Variants in NIPBL observed in about 807,000 individuals in gnomAD.
NIPBL encodes NIPBL cohesin loading factor, also known as nipped-B-like protein.
In NIPBL, 19 loss-of-function variants were observed where a neutral mutation model predicts 321.8. That is an observed-to-expected ratio of 0.06 (90% CI 0.04 to 0.09). The LOEUF is 0.09. Among genes scored for constraint, NIPBL ranks in the 10% least tolerant of loss-of-function variants. The pLI is 1.00. For synonymous variants in NIPBL, 1,106 were observed against 1,114.1 expected (o/e 0.99, Z 0.14); for missense variants, 2,210 against 3,327.0 (o/e 0.66, Z 8.26).
At chr5:37,021,704 A>G (rs1316310802) in intron 27 of NIPBL, among the ~76,000 whole-genome samples, 1 of 152,234 alleles carries the variant, frequency 6.6e-6, no homozygotes, top group Admixed American at 6.5e-5. Context: ...ATAAAATACA[A>G]AACATTCAAC....
intron 10 of NIPBL, among the ~76,000 whole-genome samples, chr5:36,991,745 G>GTT (rs34780358): frequency 0.011 from 1,378 of 127,520 alleles, 13 homozygotes; most frequent in African/African-American, 0.032. Flanking sequence ...GCCTGCCCAA[G>GTT]TTTTTTTTTT....
In NIPBL at chr5:36,960,077, AAAAATAAAAAT is replaced by A. The variant is rs1264268955; in HGVS notation, c.359-1400_359-1390del. Among the ~76,000 whole-genome samples the A allele has an allele frequency of 1.1e-4, 17 of 152,312 alleles. No individual in the cohort carries two copies. The East Asian group carries it at 3.1e-3, about 28-fold the overall frequency. On this transcript the variant is annotated intron_variant, in intron 4 of 46. Transcript: ENST00000282516. ...AGAGACCCTGTCTCATTGAAAAATA[AAAAATAAAAAT>A]AAAATAGAAATTTAAAAAGTTGATT...
chr5:37,048,654 A>T lies in NIPBL; in HGVS notation c.6742A>T (p.Met2248Leu). The change falls in exon 39 of 47, where the codon ATG becomes TTG. Residue 2248 changes from methionine (M) to leucine (L), a missense_variant. By Grantham distance (15) the Met-to-Leu change is conservative. This residue lies in a region of NIPBL where 112 missense variants were observed against 288.3 expected (regional missense o/e 0.39). Coordinates refer to ENST00000282516, the MANE Select transcript of NIPBL (RefSeq NM_133433.4). Reference protein sequence around the residue: ...QTYLQEEDTRMQQADRDWKKV... With the variant: ...QTYLQEEDTRLQQADRDWKKV... ...CTACCTACAAGAAGAAGATACACGT[A>T]TGCAGCAGGCAGATAGAGACTGTAA... is the stretch of plus-strand genomic sequence containing the variant. 6.2e-7 allele frequency: 1 copy of T among 1,610,258 alleles called. No homozygotes were observed.
At chr5:36,919,682 A>G (rs1748767682) in intron 1 of NIPBL, among the ~76,000 whole-genome samples, 1 of 152,180 alleles carries the variant, frequency 6.6e-6, no homozygotes, top group African/African-American at 2.4e-5. Context: ...GAGAAAGAAG[A>G]TATTTTCATT....
intron 44 of NIPBL, among the ~76,000 whole-genome samples, chr5:37,059,620 T>C (rs1329838297): frequency 1.3e-5 from 2 of 152,206 alleles, no homozygotes; most frequent in African/African-American, 2.4e-5. Context: ...TAGTATTCTA[T>C]TGTGTAATAT....
At chr5:36,938,255 C>T (rs1475244361) in intron 1 of NIPBL, among the ~76,000 whole-genome samples, 1 of 151,984 alleles carries the variant, frequency 6.6e-6, no homozygotes, top group East Asian at 1.9e-4. Context: ...AGTTTTAGGC[C>T]AGTACGTATT....
intron 1 of NIPBL, among the ~76,000 whole-genome samples, chr5:36,911,310 T>A: frequency 6.6e-6 from 1 of 152,228 alleles, no homozygotes. Flanking sequence ...TTATTTCTCA[T>A]GTGCAGGGGC....
At chr5:36,962,554 G>A (rs1741746152) in intron 6 of NIPBL, among the ~76,000 whole-genome samples, 1 of 152,154 alleles carries the variant, frequency 6.6e-6, no homozygotes, top group Admixed American at 6.5e-5. Flanking sequence ...AAGAAGAACT[G>A]CGTTTTTAAA....
At chr5:37,051,565 A>G in intron 40 of NIPBL, 2 of 572,984 alleles carry the variant, frequency 3.5e-6, no homozygotes, top group East Asian at 2.9e-5. Context: ...AAATTTTATC[A>G]CGTCAGTATT....
At chr5:36,884,692 GT>G (rs1745755978) in intron 1 of NIPBL, among the ~76,000 whole-genome samples, 1 of 152,080 alleles carries the variant, frequency 6.6e-6, no homozygotes, top group African/African-American at 2.4e-5. Context: ...ATATATATTT[GT>G]TGTTTAGTTA....
Position 36,953,706 on chromosome 5 carries a change from G to A in NIPBL, c.10G>A (p.Asp4Asn). Residue 4 changes from aspartate (D) to asparagine (N), a missense_variant, in exon 2 of 47, where the codon GAT (aspartate) becomes AAT (asparagine). Asp to Asn is a conservative substitution (Grantham distance 23). Transcript: ENST00000282516. Reference protein sequence around the residue: MNGDMPHVPITTLA... With the variant: MNGNMPHVPITTLA... ...ATTCCAGAAATTCAGGATGAATGGG[G>A]ATATGCCCCATGTCCCCATTACTAC... 1 of 1,613,818 alleles carries A rather than the reference G, an allele frequency of 6.2e-7. No individual in the cohort carries two copies. The highest frequency in any genetic ancestry group is 8.5e-7 in the Non-Finnish European group (1 of 1,179,766).
At chr5:36,957,041 A>G (rs1295352447) in intron 3 of NIPBL, among the ~76,000 whole-genome samples, 1 of 152,138 alleles carries the variant, frequency 6.6e-6, no homozygotes, top group African/African-American at 2.4e-5. Context: ...AGCTCCTGTA[A>G]GATTGCCCTG....
At chr5:36,878,676 T>C (rs1371100901) in intron 1 of NIPBL, among the ~76,000 whole-genome samples, 2 of 152,236 alleles carry the variant, frequency 1.3e-5, no homozygotes, top group African/African-American at 4.8e-5. Flanking sequence ...TTTAGCGTCC[T>C]GATTACAATA....
Position 36,985,754 on chromosome 5 carries a change from T to C in NIPBL, c.2574T>C (p.Ser858=), listed in dbSNP as rs1353599327. The C allele has an allele frequency of 1.9e-6, 3 of 1,613,698 alleles. No homozygotes were observed. In the East Asian group the frequency reaches 6.7e-5, roughly 36 times the overall value. Residue 858 remains serine (S), a synonymous_variant, in exon 10 of 47, where the codon TCT becomes TCC. Coordinates refer to ENST00000282516, the MANE Select transcript of NIPBL (RefSeq NM_133433.4). ...SSSRNEHGIK[S]DSSKTDKLER... is the part of the protein sequence containing the mutation. ...GTAGAAATGAACATGGCATTAAATC[T>C]GATAGTTCAAAAACTGATAAACTAG...
chr5:36,979,532 CAG>C (rs1255856535), intron 9 of NIPBL, among the ~76,000 whole-genome samples: 1 of 151,708 alleles, frequency 6.6e-6, no homozygotes, highest in African/African-American at 2.4e-5. Context: ...CATCAGTGAA[CAG>C]AGATAATTTG....
intron 1 of NIPBL, among the ~76,000 whole-genome samples, chr5:36,940,163 T>C (rs1738900935): frequency 6.6e-6 from 1 of 152,208 alleles, no homozygotes; most frequent in African/African-American, 2.4e-5. Context: ...AAGCTATGAC[T>C]AATTCTGTAA....
chr5:37,061,672 C>T (rs184059357), intron 45 of NIPBL, among the ~76,000 whole-genome samples: 78 of 152,156 alleles, frequency 5.1e-4, no homozygotes, highest in African/African-American at 1.8e-3. Flanking sequence ...GGAGTGAAAC[C>T]CTGTCTCAAA....
chr5:37,037,452 T>C (rs992252125), intron 33 of NIPBL, among the ~76,000 whole-genome samples: 2 of 148,654 alleles, frequency 1.3e-5, no homozygotes, highest in African/African-American at 4.9e-5. Context: ...TAGATAGATA[T>C]AGATACCCAT....
chr5:36,879,975 G>T (rs1183655140), intron 1 of NIPBL, among the ~76,000 whole-genome samples: 1 of 151,878 alleles, frequency 6.6e-6, no homozygotes, highest in Non-Finnish European at 1.5e-5. Context: ...CTGTTCTAGA[G>T]ATCATTATAA....
Sources: gnomAD v4.1 joint callset for allele counts (sites outside exome capture counted in the v4.1 genomes callset) on GRCh38, gnomAD v4.1.1 for gene constraint, gnomAD v4.1.1 regional missense constraint, MANE v1.5 for transcripts, NCBI Gene and HGNC (gene_info 2026-07-23, HGNC 2026-07-21) for gene names.